The following ATF7 variants were observed in gnomAD, a reference collection of about 807,000 sequenced individuals.
ATF7 encodes cyclic AMP-dependent transcription factor ATF-7.
Under a neutral mutation model 50.4 loss-of-function variants are expected in ATF7, and 10 were observed. The ratio of observed to expected loss-of-function variants is 0.20; its 90% CI spans 0.12 to 0.34. ATF7 has a LOEUF of 0.34. Among genes scored for constraint, ATF7 ranks in the 10% least tolerant of loss-of-function variants. The pLI, the probability that ATF7 is intolerant of heterozygous loss-of-function variation, is 1.00. For missense variants in ATF7, 465 were observed against 613.9 expected (o/e 0.76, Z 2.56); for synonymous variants, 201 against 226.4 (o/e 0.89, Z 1.01).
At chr12:53,582,692 C>T (rs1942489982) in intron 2 of ATF7, among the ~76,000 whole-genome samples, 1 of 152,166 alleles carries the variant, frequency 6.6e-6, no homozygotes, top group Admixed American at 6.5e-5. Flanking sequence ...CATTCTCCTG[C>T]CTCAGCCTCC....
At chr12:53,565,493 C>CG (rs1414405342) in intron 2 of ATF7, among the ~76,000 whole-genome samples, 709 of 3,914 alleles carry the variant, frequency 0.18, 5 homozygotes, top group African/African-American at 0.34. Flanking sequence ...TGGGCGGGGG[C>CG]GGGGGGGAGG....
chr12:53,566,670 C>T (rs764918382), intron 2 of ATF7, among the ~76,000 whole-genome samples: 2 of 152,164 alleles, frequency 1.3e-5, no homozygotes, highest in Non-Finnish European at 2.9e-5. Context: ...GAACCTAGGT[C>T]CTTGATAAAC....
intron 2 of ATF7, among the ~76,000 whole-genome samples, chr12:53,559,000 G>C (rs1414484127): frequency 1.3e-5 from 2 of 151,926 alleles, no homozygotes; most frequent in African/African-American, 4.8e-5. Context: ...AGTTAGGATG[G>C]GCTGGGCGCA....
intron 4 of ATF7, among the ~76,000 whole-genome samples, chr12:53,541,966 C>T (rs1185019785): frequency 6.6e-6 from 1 of 152,104 alleles, no homozygotes; most frequent in Admixed American, 6.5e-5. Flanking sequence ...GGATTACAGG[C>T]GTGCGCCGCC....
chr12:53,614,474 C>G (rs943420892), intron 1 of ATF7, among the ~76,000 whole-genome samples: 3 of 152,112 alleles, frequency 2.0e-5, no homozygotes, highest in Non-Finnish European at 2.9e-5. Context: ...TTTAAAATTA[C>G]CTTTTAATTT....
At chr12:53,558,328 A>G (rs1043797655) in intron 2 of ATF7, among the ~76,000 whole-genome samples, 2 of 152,256 alleles carry the variant, frequency 1.3e-5, no homozygotes, top group African/African-American at 2.4e-5. Flanking sequence ...AAAACAAAGA[A>G]CTGCATAACT....
intron 1 of ATF7, among the ~76,000 whole-genome samples, chr12:53,610,766 C>G (rs1215301151): frequency 6.6e-6 from 1 of 152,096 alleles, no homozygotes. Context: ...TGAGGGGCTA[C>G]ATGTTCTGGG....
intron 2 of ATF7, among the ~76,000 whole-genome samples, chr12:53,556,212 G>A (rs996372253): frequency 2.0e-5 from 3 of 152,098 alleles, no homozygotes; most frequent in Non-Finnish European, 4.4e-5. Context: ...GCAGTGGCCC[G>A]GCCTTTTTAT....
At chr12:53,569,030 T>C (rs989373287) in intron 2 of ATF7, among the ~76,000 whole-genome samples, 2 of 152,092 alleles carry the variant, frequency 1.3e-5, no homozygotes, top group Non-Finnish European at 2.9e-5. Context: ...TGGTGGCACA[T>C]GCCTGTAGTC....
At chr12:53,545,294 T>C (rs752625535) in intron 3 of ATF7, among the ~76,000 whole-genome samples, 22 of 152,180 alleles carry the variant, frequency 1.4e-4, no homozygotes, top group South Asian at 2.1e-4. Flanking sequence ...CCTGCTCTAA[T>C]GAATCCTAAA....
chr12:53,570,203 T>C (rs1039737364), intron 2 of ATF7, among the ~76,000 whole-genome samples: 1 of 152,106 alleles, frequency 6.6e-6, no homozygotes, highest in Admixed American at 6.6e-5. Context: ...AAACCCATGT[T>C]CAATTTTTGA....
chr12:53,509,155 G>A (rs993926308), downstream of ATF7, among the ~76,000 whole-genome samples: 4 of 152,152 alleles, frequency 2.6e-5, no homozygotes, highest in Non-Finnish European at 5.9e-5. Flanking sequence ...CCCGCTCTGA[G>A]CTTCAGTTTC....
intron 2 of ATF7, among the ~76,000 whole-genome samples, chr12:53,598,543 G>C (rs1466172730): frequency 2.0e-5 from 3 of 152,126 alleles, no homozygotes; most frequent in Admixed American, 2.0e-4. Flanking sequence ...GAAGGAAATG[G>C]CTTATGGTAA....
chr12:53,560,886 T>G (rs775402092), intron 2 of ATF7, among the ~76,000 whole-genome samples: 2 of 152,134 alleles, frequency 1.3e-5, no homozygotes, highest in East Asian at 3.8e-4. Context: ...CAGTACTTCA[T>G]GGACAGAATT....
At chr12:53,531,450 T>G (rs2137375789) in intron 9 of ATF7, among the ~76,000 whole-genome samples, 1 of 149,478 alleles carries the variant, frequency 6.7e-6, no homozygotes, top group South Asian at 2.1e-4. Flanking sequence ...GCGAGGCCGC[T>G]GCTGCAACAG....
At chr12:53,557,862 T>A (rs1940853416) in intron 2 of ATF7, among the ~76,000 whole-genome samples, 1 of 152,240 alleles carries the variant, frequency 6.6e-6, no homozygotes, top group African/African-American at 2.4e-5. Flanking sequence ...TAGTAAAATA[T>A]CTTGTTAATA....
rs555384038 is a variant in ATF7, at chr12:53,582,049, G to A, written c.48+18904C>T. Reference sequence around the variant, plus strand: ...ACTGAGGAGTCGGAGGCTATAGTGAGCTAAGATCACATCACTGCACTCTAG... The same window carrying A: ...ACTGAGGAGTCGGAGGCTATAGTGAACTAAGATCACATCACTGCACTCTAG... On this transcript the variant is annotated intron_variant, in intron 2 of 11. Transcript: ENST00000420353. Among the ~76,000 whole-genome samples the A allele has an allele frequency of 3.3e-5, 5 of 152,152 alleles. No homozygotes were observed. The South Asian group carries it at 1.0e-3, about 32-fold the overall frequency.
At chr12:53,536,821 G>A (rs996867920) in intron 5 of ATF7, among the ~76,000 whole-genome samples, 2 of 152,054 alleles carry the variant, frequency 1.3e-5, no homozygotes, top group African/African-American at 4.8e-5. Flanking sequence ...CTGGGAGGCA[G>A]AGGTTGCAGT....
intron 7 of ATF7, 25 bp from the exon 8 acceptor site, chr12:53,532,648 A>G: frequency 6.7e-7 from 1 of 1,498,176 alleles, no homozygotes; most frequent in Non-Finnish European, 9.1e-7. Flanking sequence ...GGAAAAAAAA[A>G]AAAAGAGAAG....
Sources: gnomAD v4.1 joint callset for allele counts (sites outside exome capture counted in the v4.1 genomes callset) on GRCh38, gnomAD v4.1.1 for gene constraint, MANE v1.5 for transcripts, NCBI Gene and HGNC (gene_info 2026-07-23, HGNC 2026-07-21) for gene names.